The following RNF19A variants were observed in gnomAD, a reference collection of about 807,000 sequenced individuals.
RNF19A encodes the protein ring finger protein 19A, RBR E3 ubiquitin protein ligase, also known as E3 ubiquitin-protein ligase RNF19A.
A neutral mutation model predicts 75.7 loss-of-function variants in RNF19A; 32 were observed. The ratio of observed to expected loss-of-function variants is 0.42; its 90% CI spans 0.32 to 0.57. The LOEUF (loss-of-function observed/expected upper bound fraction) is 0.57. RNF19A is among the 20% of genes least tolerant of loss of function. RNF19A has a pLI of 0.10. For missense variants in RNF19A, 782 were observed against 1,036.3 expected (o/e 0.75, Z 3.37); for synonymous variants, 335 against 345.2 (o/e 0.97, Z 0.33).
chr8:100,307,614 T>C (rs1444546916), intron 1 of RNF19A, among the ~76,000 whole-genome samples: 3 of 151,970 alleles, frequency 2.0e-5, no homozygotes, highest in Admixed American at 6.5e-5. Context: ...TTATTTCAAA[T>C]AGTTAAAACA....
At chr8:100,266,279 T>C (rs1819968231) in intron 5 of RNF19A, among the ~76,000 whole-genome samples, 1 of 152,208 alleles carries the variant, frequency 6.6e-6, no homozygotes. Flanking sequence ...AACTAATTCA[T>C]TCATTTACAA....
At chr8:100,293,316 T>C (rs916497781) in intron 1 of RNF19A, among the ~76,000 whole-genome samples, 2 of 152,204 alleles carry the variant, frequency 1.3e-5, no homozygotes, top group African/African-American at 2.4e-5. Flanking sequence ...TTTCAACTTT[T>C]ATCTGGGGAA....
At chr8:100,321,696 A>G (rs1822467591) in intron 1 of RNF19A, among the ~76,000 whole-genome samples, 1 of 152,246 alleles carries the variant, frequency 6.6e-6, no homozygotes, top group Admixed American at 6.5e-5. Context: ...TACAAAATGT[A>G]TTTCTTAAAT....
Position 100,287,780 on chromosome 8 carries a change from C to G in RNF19A, c.395G>C (p.Cys132Ser). Residue 132 changes from cysteine (C) to serine (S), a missense_variant, in exon 2 of 10, where the codon TGC becomes TCC. Physicochemically the swap from Cys to Ser is moderately radical, Grantham distance 112. This residue lies in a region of RNF19A where 85 missense variants were observed against 177.7 expected (regional missense o/e 0.48). Coordinates refer to ENST00000341084, the MANE Select transcript of RNF19A (RefSeq NM_183419.4). This position sits in a 1 kb window ranked among gnomAD's most constrained non-coding sequence, Gnocchi z 4.1. ...AGAATGCCGCAAAAGGCACAAAGGG[C>G]ACTCTATGAAGTCTCCAATTTGTTT... ...ISKQIGDFIE[C>S]PLCLLRHSKD... is the part of the protein sequence containing the mutation. 6.2e-7 allele frequency: 1 copy of G among 1,614,110 alleles called. No individual in the cohort carries two copies.
chr8:100,264,556 A>T lies in RNF19A; in HGVS notation c.1306+115T>A. The T allele has an allele frequency of 1.4e-6, 1 of 705,970 alleles. No individual in the cohort carries two copies. The highest frequency in any genetic ancestry group is 2.4e-6 in the Non-Finnish European group (1 of 416,234). 43.7% of individuals were successfully genotyped at this position (705,970 alleles called of 1,614,324 possible). A position where few individuals can be genotyped will look rare whatever the true frequency, so the allele number is the denominator to read the frequency against. The stretch of plus-strand genomic sequence containing the variant: ...TCTGTAATACTTTCAACCAAGACTT[A>T]CTGCAGGCTCAATTTAAATTGTCCT... On this transcript the variant is annotated intron_variant, in intron 6 of 9. Coordinates refer to ENST00000341084, the MANE Select transcript of RNF19A (RefSeq NM_183419.4). The surrounding 1 kb of genome is among the most constrained non-coding windows in gnomAD (Gnocchi z 4.7).
rs1353655334 is a variant in RNF19A at position 100,330,990 on chromosome 8, A to C, written c.-243+5118T>G. On this transcript the variant is annotated intron_variant, in intron 1 of 3. Transcript: ENST00000519527. This position sits in a 1 kb window ranked among gnomAD's most constrained non-coding sequence, Gnocchi z 4.1. The stretch of plus-strand genomic sequence containing the variant: ...CAGGGAATCTTCTTTTCACTTCTAA[A>C]TGCTTTTTGTTTCTGAGTCTTCCTT... Among the ~76,000 whole-genome samples the C allele has an allele frequency of 6.6e-6, 1 of 152,190 alleles. No individual in the cohort carries two copies. Among genetic ancestry groups the C allele is most frequent in the African/African-American group, 2.4e-5 (1 of 41,436 alleles).
At chr8:100,267,651 T>C (rs1374355449) in intron 5 of RNF19A, among the ~76,000 whole-genome samples, 5 of 150,342 alleles carry the variant, frequency 3.3e-5, no homozygotes, top group Admixed American at 1.3e-4. Context: ...ATGACAGGAG[T>C]AAGCCACCAT....
upstream of RNF19A, among the ~76,000 whole-genome samples, chr8:100,312,660 A>C (rs917748691): frequency 6.6e-6 from 1 of 152,194 alleles, no homozygotes; most frequent in Non-Finnish European, 1.5e-5. Context: ...GCAGTGGCTC[A>C]CGCCTGTAAT....
At chr8:100,268,545 A>G (rs1295728914) in intron 5 of RNF19A, 5 of 320,622 alleles carry the variant, frequency 1.6e-5, no homozygotes, top group Non-Finnish European at 2.8e-5. Context: ...TATAATACAA[A>G]CATACTAAAA....
Position 100,258,759 on chromosome 8 carries a change from G to A in RNF19A, c.2314C>T (p.Pro772Ser), listed in dbSNP as rs1220432523. The A allele has an allele frequency of 6.2e-7, 1 of 1,614,166 alleles. No homozygotes were observed. The highest frequency in any genetic ancestry group is 8.5e-7 in the Non-Finnish European group (1 of 1,180,030). ...EVENDRLENS[P>S]HQCSISVVTQ... is the part of the protein sequence containing the mutation. Reference sequence around the variant, plus strand: ...ACCACAGAAATGCTACACTGATGTGGGGAATTTTCCAGACGGTCATTTTCT... The same window carrying A: ...ACCACAGAAATGCTACACTGATGTGAGGAATTTTCCAGACGGTCATTTTCT... The change falls in exon 10 of 10, where the codon CCA (proline) becomes TCA (serine). Residue 772 changes from proline (P) to serine (S), a missense_variant. By Grantham distance (74) the Pro-to-Ser change is moderately conservative. This residue lies in a region of RNF19A where 442 missense variants were observed against 541.6 expected (regional missense o/e 0.82). Coordinates refer to ENST00000341084, the MANE Select transcript of RNF19A (RefSeq NM_183419.4). The surrounding 1 kb of genome is among the most constrained non-coding windows in gnomAD (Gnocchi z 4.3).
At chr8:100,288,594 C>T (rs1272919932) in intron 1 of RNF19A, among the ~76,000 whole-genome samples, 1 of 152,192 alleles carries the variant, frequency 6.6e-6, no homozygotes, top group Non-Finnish European at 1.5e-5. Flanking sequence ...ATCAAGTATA[C>T]ATGCAAATAC....
Position 100,264,719 on chromosome 8 carries a change from C to T in RNF19A, c.1258G>A (p.Val420Ile). 6 of 1,613,764 alleles carry T rather than the reference C, an allele frequency of 3.7e-6. No individual in the cohort carries two copies. Among genetic ancestry groups the T allele is most frequent in the Non-Finnish European group, 5.1e-6 (6 of 1,179,722 alleles). ...HKRNLAIAGG[V>I]TLSVIVSPVV... ...GGAGACACGATTACAGACAACGTTA[C>T]ACCACCTGCTATGGCCAAATTCCGT... Residue 420 changes from valine to isoleucine, a missense_variant, in exon 6 of 10, where the codon GTA becomes ATA. This residue lies in a region of RNF19A where 442 missense variants were observed against 541.6 expected (regional missense o/e 0.82). Transcript: ENST00000341084. This position sits in a 1 kb window ranked among gnomAD's most constrained non-coding sequence, Gnocchi z 4.7.
At chr8:100,266,775 A>G (rs1167340396) in intron 5 of RNF19A, among the ~76,000 whole-genome samples, 1 of 152,008 alleles carries the variant, frequency 6.6e-6, no homozygotes, top group East Asian at 1.9e-4. Context: ...ACCCTCCCCA[A>G]GTGTTAGGAT....
chr8:100,262,670 T>C (rs1819777385), intron 7 of RNF19A, among the ~76,000 whole-genome samples: 1 of 152,120 alleles, frequency 6.6e-6, no homozygotes, highest in Non-Finnish European at 1.5e-5. Flanking sequence ...AAAGTTATAA[T>C]CTGACAGGGT....
chr8:100,309,264 CT>C (rs1376661009), intron 1 of RNF19A: 1 of 970,034 alleles, frequency 1.0e-6, no homozygotes, highest in Non-Finnish European at 1.2e-6. Context: ...GTAATTTTTG[CT>C]TTTGAAGGAG....
chr8:100,327,479 C>T (rs1206379916), intron 1 of RNF19A, among the ~76,000 whole-genome samples: 4 of 151,784 alleles, frequency 2.6e-5, no homozygotes, highest in Non-Finnish European at 4.4e-5. Flanking sequence ...CTCAAACTCC[C>T]GACTCAAGTG....
chr8:100,262,555 GACATAGTTGGGGCAGATCAT>G (rs1306422308), intron 7 of RNF19A, among the ~76,000 whole-genome samples: 4 of 152,174 alleles, frequency 2.6e-5, no homozygotes, highest in Non-Finnish European at 4.4e-5. Context: ...TGAGCTCAGA[GACATAGTTGGGGCAGATCAT>G]GTGGGGCCTT....
rs1821091002 is a variant in RNF19A at position 100,287,761 on chromosome 8, C to T, written c.414G>A (p.Arg138=). 6.2e-7 allele frequency: 1 copy of T among 1,614,066 alleles called. No individual in the cohort carries two copies. The highest frequency in any genetic ancestry group is 8.5e-7 in the Non-Finnish European group (1 of 1,180,016). The change falls in exon 2 of 10, where the codon CGG becomes CGA. Residue 138 remains arginine (R), a synonymous_variant. Transcript: ENST00000341084. The surrounding 1 kb of genome is among the most constrained non-coding windows in gnomAD (Gnocchi z 4.1). ...TATCAGGAAATCTGTCTTTAGAATG[C>T]CGCAAAAGGCACAAAGGGCACTCTA... ...DFIECPLCLL[R]HSKDRFPDIM...
rs187280299 is a variant in RNF19A at position 100,323,595 on chromosome 8, A to G, written c.-242-10223T>C. 4.6e-5 allele frequency among the ~76,000 whole-genome samples: 7 copies of G among 152,362 alleles called. No individual in the cohort carries two copies. Among genetic ancestry groups the G allele is most frequent in the Admixed American group, 1.3e-4 (2 of 15,308 alleles). ...GTACGGCTCCAGTTTTTAAAATTTC[A>G]TCTACCTTTGCCAGGGGAATCCCAT... On this transcript the variant is annotated intron_variant, in intron 1 of 3. Coordinates refer to the RNF19A transcript ENST00000519527. The surrounding 1 kb of genome is among the most constrained non-coding windows in gnomAD (Gnocchi z 4.6).
Sources: gnomAD v4.1 joint callset for allele counts (sites outside exome capture counted in the v4.1 genomes callset) on GRCh38, gnomAD v4.1.1 for gene constraint, gnomAD v4.1.1 regional missense constraint, Gnocchi (gnomAD v3.1) non-coding constraint, MANE v1.5 for transcripts, NCBI Gene and HGNC (gene_info 2026-07-23, HGNC 2026-07-21) for gene names.